Variants in LYPD6B observed in about 807,000 individuals in gnomAD.
LYPD6B encodes ly6/PLAUR domain-containing protein 6B.
A neutral mutation model predicts 22.8 loss-of-function variants in LYPD6B; 17 were observed. The observed-to-expected ratio is 0.75, with a 90% CI of 0.51 to 1.12. LYPD6B has a LOEUF of 1.12. LYPD6B is among the 50% of genes most tolerant of loss of function. The probability of loss-of-function intolerance (pLI) is 0.00; values close to 1 mark genes in which losing one functional copy is unlikely to be tolerated. For synonymous variants in LYPD6B, 106 were observed against 91.6 expected (o/e 1.16, Z -0.90); for missense variants, 221 against 258.3 (o/e 0.86, Z 0.99).
intron 1 of LYPD6B, among the ~76,000 whole-genome samples, chr2:149,046,790 T>A (rs545019066): frequency 5.9e-5 from 9 of 152,302 alleles, no homozygotes; most frequent in Admixed American, 2.0e-4. Context: ...ACAGTACTTC[T>A]CTTTTATGTT....
At chr2:149,112,563 G>A (rs776381790) in intron 1 of LYPD6B, among the ~76,000 whole-genome samples, 1 of 152,012 alleles carries the variant, frequency 6.6e-6, no homozygotes, top group Non-Finnish European at 1.5e-5. Context: ...AATCTGGCTC[G>A]CATATACATC....
chr2:149,071,293 G>A (rs1190574736), intron 1 of LYPD6B, among the ~76,000 whole-genome samples: 2 of 152,138 alleles, frequency 1.3e-5, no homozygotes, highest in Admixed American at 6.5e-5. Flanking sequence ...TCATGCTATA[G>A]CAAAGCTCCT....
intron 3 of LYPD6B, among the ~76,000 whole-genome samples, chr2:149,171,831 A>G (rs1430610413): frequency 6.6e-6 from 1 of 152,156 alleles, no homozygotes; most frequent in Non-Finnish European, 1.5e-5. Flanking sequence ...TAGGATCTAC[A>G]ATAAAAACCA....
At chr2:149,072,280 A>G (rs1416794142) in intron 1 of LYPD6B, among the ~76,000 whole-genome samples, 1 of 152,036 alleles carries the variant, frequency 6.6e-6, no homozygotes, top group Non-Finnish European at 1.5e-5. Flanking sequence ...CAGGATGTCA[A>G]TGTAATAAAT....
intron 1 of LYPD6B, among the ~76,000 whole-genome samples, chr2:149,083,192 A>G (rs1685215539): frequency 6.6e-6 from 1 of 152,232 alleles, no homozygotes; most frequent in Non-Finnish European, 1.5e-5. Flanking sequence ...CTGCAGCAGC[A>G]TACAGTTAGC....
chr2:149,144,128 G>A (rs150997314), intron 2 of LYPD6B, among the ~76,000 whole-genome samples: 128 of 152,324 alleles, frequency 8.4e-4, no homozygotes, highest in African/African-American at 2.9e-3. Context: ...GATGACTTCT[G>A]CCTCAGAGGG....
At chr2:149,055,588 G>A (rs946028686) in intron 1 of LYPD6B, among the ~76,000 whole-genome samples, 1 of 152,140 alleles carries the variant, frequency 6.6e-6, no homozygotes, top group Admixed American at 6.5e-5. Context: ...CTGCTTACAA[G>A]TTATGCACTT....
intron 2 of LYPD6B, among the ~76,000 whole-genome samples, chr2:149,148,278 C>T (rs1034053271): frequency 6.6e-6 from 1 of 152,126 alleles, no homozygotes; most frequent in Admixed American, 6.5e-5. Flanking sequence ...AAAAGAAATG[C>T]AGGACTTCAC....
intron 3 of LYPD6B, among the ~76,000 whole-genome samples, chr2:149,195,528 G>A (rs1442290010): frequency 6.6e-6 from 1 of 152,206 alleles, no homozygotes; most frequent in Non-Finnish European, 1.5e-5. Flanking sequence ...ATGCTCCAGT[G>A]AAGCCTAAAT....
intron 3 of LYPD6B, among the ~76,000 whole-genome samples, chr2:149,197,273 GGA>G (rs1692867301): frequency 6.6e-6 from 1 of 152,182 alleles, no homozygotes; most frequent in African/African-American, 2.4e-5. Flanking sequence ...CAGCACTTTG[GGA>G]GACCGAGGCG....
Position 149,156,691 on chromosome 2 carries a change from C to T in LYPD6B, c.6-4073C>T, listed in dbSNP as rs536008507. Reference sequence around the variant, plus strand: ...GGATTAGGGCCTACCCATATGACCTCATTTTAAATTAATTACCTCTTAAGA... The same window carrying T: ...GGATTAGGGCCTACCCATATGACCTTATTTTAAATTAATTACCTCTTAAGA... On this transcript the variant is annotated intron_variant, in intron 2 of 6. Coordinates refer to ENST00000409642, the MANE Select transcript of LYPD6B (RefSeq NM_177964.5). Among the ~76,000 whole-genome samples, 5 of 152,282 alleles carry T rather than the reference C, an allele frequency of 3.3e-5. 1 individual carries two copies. The South Asian group carries it at 1.0e-3, about 32-fold the overall frequency.
chr2:149,207,783 T>C (rs1009691656), intron 4 of LYPD6B, among the ~76,000 whole-genome samples: 1 of 152,192 alleles, frequency 6.6e-6, no homozygotes, highest in Non-Finnish European at 1.5e-5. Context: ...TGCTAGAGAC[T>C]ACAAGGTATT....
At chr2:149,190,309 C>T (rs11673945) in intron 3 of LYPD6B, among the ~76,000 whole-genome samples, 45,683 of 151,928 alleles carry the variant, frequency 0.3, 8,656 homozygotes, top group East Asian at 0.56. Context: ...TGTGTGTGCA[C>T]GTATCTATAT....
intron 1 of LYPD6B, among the ~76,000 whole-genome samples, chr2:149,050,935 T>C (rs1683521728): frequency 6.6e-6 from 1 of 152,146 alleles, no homozygotes; most frequent in Non-Finnish European, 1.5e-5. Context: ...ATAAAAGATG[T>C]ATAAAATAAC....
chr2:149,066,380 T>C (rs1684334245), intron 1 of LYPD6B, among the ~76,000 whole-genome samples: 1 of 144,408 alleles, frequency 6.9e-6, no homozygotes, highest in Non-Finnish European at 1.5e-5. Context: ...CCTGTGTCCA[T>C]GTGTTGTCAC....
At chr2:149,041,258 A>C (rs945842660) in intron 1 of LYPD6B, among the ~76,000 whole-genome samples, 2 of 152,290 alleles carry the variant, frequency 1.3e-5, no homozygotes, top group Non-Finnish European at 2.9e-5. Context: ...CGAAGTGGCC[A>C]CAGCTCTTTG....
chr2:149,102,672 C>T (rs1446868325), intron 1 of LYPD6B, among the ~76,000 whole-genome samples: 1 of 152,132 alleles, frequency 6.6e-6, no homozygotes, highest in Admixed American at 6.5e-5. Flanking sequence ...TTCTGTCACC[C>T]AGGCTGGAAT....
chr2:149,182,353 C>T (rs938847874), intron 3 of LYPD6B, among the ~76,000 whole-genome samples: 1 of 152,178 alleles, frequency 6.6e-6, no homozygotes, highest in Non-Finnish European at 1.5e-5. Flanking sequence ...GTTGACCACA[C>T]AATACGTACT....
chr2:149,212,572 T>G (rs1559083562), intron 5 of LYPD6B, among the ~76,000 whole-genome samples: 1 of 152,100 alleles, frequency 6.6e-6, no homozygotes, highest in African/African-American at 2.4e-5. Context: ...AACTGTATAA[T>G]GAAACAACTG....
Sources: gnomAD v4.1 joint callset for allele counts (sites outside exome capture counted in the v4.1 genomes callset) on GRCh38, gnomAD v4.1.1 for gene constraint, MANE v1.5 for transcripts, NCBI Gene and HGNC (gene_info 2026-07-23, HGNC 2026-07-21) for gene names.